RANBP1: variants seen among roughly 807,000 people sequenced by gnomAD.
RANBP1 encodes RAN binding protein 1, also known as ran-specific GTPase-activating protein.
In RANBP1, 16 loss-of-function variants were observed where a neutral mutation model predicts 31.4. That is an observed-to-expected ratio of 0.51 (90% CI 0.34 to 0.77). The LOEUF is 0.77. Among genes scored for constraint, RANBP1 ranks in the 30% least tolerant of loss-of-function variants. The pLI is 0.01. For synonymous variants in RANBP1, 129 were observed against 140.5 expected, an observed-to-expected ratio of 0.92 and a Z score of 0.58; for missense variants, 265 against 362.0, an observed-to-expected ratio of 0.73 and a Z score of 2.17.
chr22:20,116,138 G>A lies in RANBP1; in HGVS notation c.-47G>A, dbSNP rs1018898829. The A allele has an allele frequency of 3.8e-5, 62 of 1,612,810 alleles. No individual in the cohort carries two copies. Among genetic ancestry groups the A allele is most frequent in the Non-Finnish European group, 5.1e-5 (60 of 1,179,728 alleles). On this transcript the variant is annotated 5_prime_UTR_variant, in exon 1 of 6. In the 5' UTR this introduces an upstream ATG that the reference lacks. Coordinates refer to ENST00000430524, the MANE Select transcript of RANBP1 (RefSeq NM_001278639.2). The stretch of plus-strand genomic sequence containing the variant: ...AGAGGGGTCACCACGTCGGCCACTC[G>A]TGTTACTGGTGGCTCACTCTCACCC...
intron 2 of RANBP1, among the ~76,000 whole-genome samples, chr22:20,120,527 G>C (rs2050150254): frequency 6.6e-6 from 1 of 152,216 alleles, no homozygotes; most frequent in African/African-American, 2.4e-5. Flanking sequence ...ACAGTCTCTT[G>C]CCAGAATCAT....
intron 2 of RANBP1, among the ~76,000 whole-genome samples, chr22:20,121,369 C>G (rs1174726497): frequency 6.6e-6 from 1 of 152,186 alleles, no homozygotes; most frequent in East Asian, 1.9e-4. Flanking sequence ...CCTGCCTCAG[C>G]CTCCCGAGTA....
intron 3 of RANBP1, 174 bp downstream of exon 3, chr22:20,122,595 C>G: frequency 1.3e-6 from 2 of 1,535,054 alleles, no homozygotes; most frequent in Admixed American, 2.0e-5. Flanking sequence ...CCTCTGAACT[C>G]AGAGCAGGCC....
chr22:20,125,730 T>G (rs175162), intron 4 of RANBP1: 320,078 of 1,174,684 alleles, frequency 0.27, 44,297 homozygotes, highest in South Asian at 0.31. Flanking sequence ...TTCCCATTAG[T>G]TGTTGCGGAG....
intron 2 of RANBP1, among the ~76,000 whole-genome samples, chr22:20,120,807 C>T (rs1049265697): frequency 1.6e-4 from 25 of 151,740 alleles, no homozygotes; most frequent in African/African-American, 4.8e-4. Context: ...CCACCGCGTC[C>T]GGTCATCTAA....
chr22:20,121,528 G>A (rs1355961749), intron 2 of RANBP1, among the ~76,000 whole-genome samples: 1 of 151,744 alleles, frequency 6.6e-6, no homozygotes, highest in Non-Finnish European at 1.5e-5. Flanking sequence ...GATTACAGGC[G>A]TGGGCCACTG....
At chr22:20,123,219 G>A (rs1385656071) in intron 3 of RANBP1, among the ~76,000 whole-genome samples, 5 of 131,640 alleles carry the variant, frequency 3.8e-5, no homozygotes, top group African/African-American at 1.5e-4. Flanking sequence ...TGTACAGTGT[G>A]TGGTGTCTGG....
intron 2 of RANBP1, 189 bp downstream of exon 2, chr22:20,119,338 G>T (rs541298359): frequency 2.0e-5 from 12 of 597,010 alleles, no homozygotes; most frequent in African/African-American, 1.9e-4. Flanking sequence ...TGCCCTTGCT[G>T]CCCTGCAGCC....
chr22:20,116,750 G>A, intron 1 of RANBP1: 3 of 1,156,182 alleles, frequency 2.6e-6, no homozygotes, highest in Non-Finnish European at 3.6e-6. Context: ...CTACCCTCCC[G>A]ACCCCATTCC....
At chr22:20,119,390 G>T in intron 2 of RANBP1, 1 of 484,366 alleles carries the variant, frequency 2.1e-6, no homozygotes, top group Non-Finnish European at 3.7e-6. Flanking sequence ...CTGTCCACTG[G>T]CATGGCGGCC....
chr22:20,118,780 G>C (rs547096376), intron 1 of RANBP1, among the ~76,000 whole-genome samples: 54 of 152,352 alleles, frequency 3.5e-4, no homozygotes, highest in African/African-American at 1.2e-3. Flanking sequence ...TGTGAATCTG[G>C]GGGAGGGGCC....
chr22:20,121,303 G>A (rs2050165153), intron 2 of RANBP1, among the ~76,000 whole-genome samples: 1 of 151,742 alleles, frequency 6.6e-6, no homozygotes, highest in African/African-American at 2.4e-5. Flanking sequence ...AGGCTGGTGC[G>A]CAATGGTGTG....
chr22:20,117,601 G>A lies in RANBP1; in HGVS notation c.246+1171G>A, dbSNP rs778045025. ...TACGAGTAGCCGCCGAGAGGCCGCG[G>A]AGCCAGCGACGACCGACCCAGCCGA... On this transcript the variant is annotated intron_variant, in intron 1 of 5. Coordinates refer to ENST00000430524, the MANE Select transcript of RANBP1 (RefSeq NM_001278639.2). 1.6e-4 allele frequency: 211 copies of A among 1,314,992 alleles called. 3 individuals carry two copies. The South Asian group carries it at 1.7e-3, about 10-fold the overall frequency. 81.5% of individuals were successfully genotyped at this position (1,314,992 alleles called of 1,614,324 possible).
chr22:20,118,891 G>T, intron 1 of RANBP1, 122 bp from the exon 2 acceptor site: 1 of 1,013,230 alleles, frequency 9.9e-7, no homozygotes, highest in Non-Finnish European at 1.5e-6. Context: ...TTTGGGGTTG[G>T]GCCCATCCTT....
chr22:20,123,454 GGGGGT>G (rs2050231974), intron 3 of RANBP1, among the ~76,000 whole-genome samples: 1 of 122,094 alleles, frequency 8.2e-6, no homozygotes, highest in African/African-American at 3.1e-5. Context: ...TGGTGTCTGG[GGGGGT>G]TTGGTGTCTG....
Position 20,127,114 on chromosome 22 carries a change from G to T in RANBP1, c.*62G>T. ...TCCTTTTTTTAAAAAATTTTACCCTGCCCCTCTTTTTCGGTTTGTTTTTAT... is the reference window on the plus strand; with the variant it reads ...TCCTTTTTTTAAAAAATTTTACCCTTCCCCTCTTTTTCGGTTTGTTTTTAT... On this transcript the variant is annotated 3_prime_UTR_variant, in exon 6 of 6. Transcript: ENST00000430524. The T allele has an allele frequency of 2.2e-6, 3 of 1,388,634 alleles. No homozygotes were observed. Among genetic ancestry groups the T allele is most frequent in the East Asian group, 5.1e-5 (2 of 39,502 alleles). The allele number at this position is 1,388,634 out of a possible 1,614,324, so 86.0% of individuals were successfully genotyped here.
In RANBP1 at chr22:20,125,339, A is replaced by G. The variant is rs1472202046; in HGVS notation, c.573A>G (p.Ala191=). ...ITPMMELKPN[A]GSDRAWVWNT... The stretch of plus-strand genomic sequence containing the variant: ...CGATGATGGAGCTGAAGCCCAACGC[A>G]GGTAGCGACCGTGCCTGGGTCTGGA... Residue 191 remains alanine, a synonymous_variant, in exon 4 of 6, where the codon GCA becomes GCG. Transcript: ENST00000430524. 4 of 1,611,524 alleles carry G rather than the reference A, an allele frequency of 2.5e-6. No homozygotes were observed. The East Asian group carries it at 6.7e-5, about 27-fold the overall frequency.
chr22:20,127,188 C>T lies in RANBP1; in HGVS notation c.*136C>T. The T allele has an allele frequency of 1.6e-6, 1 of 637,394 alleles. No homozygotes were observed. The allele number at this position is 637,394 out of a possible 1,614,324, so 39.5% of individuals were successfully genotyped here. ...TATATAAAGAACTGAACTCAACATTCAGGTTGTTTTTTTTTTTTGTTTCTA... is the reference window on the plus strand; with the variant it reads ...TATATAAAGAACTGAACTCAACATTTAGGTTGTTTTTTTTTTTTGTTTCTA... On this transcript the variant is annotated 3_prime_UTR_variant, in exon 6 of 6. Coordinates refer to ENST00000430524, the MANE Select transcript of RANBP1 (RefSeq NM_001278639.2).
At chr22:20,126,739 C>A in intron 5 of RANBP1, 3 of 1,426,868 alleles carry the variant, frequency 2.1e-6, no homozygotes, top group Non-Finnish European at 2.8e-6. Flanking sequence ...TGACCATGGT[C>A]TAGGCAGTGC....
Sources: gnomAD v4.1 joint callset for allele counts (sites outside exome capture counted in the v4.1 genomes callset) on GRCh38, gnomAD v4.1.1 for gene constraint, MANE v1.5 for transcripts, NCBI Gene and HGNC (gene_info 2026-07-23, HGNC 2026-07-21) for gene names.